Variants in BZW2 observed in about 807,000 individuals in gnomAD.
BZW2 encodes basic leucine zipper and W2 domains 2, also known as eIF5-mimic protein 1.
Under a neutral mutation model 53.2 loss-of-function variants are expected in BZW2, and 23 were observed. The observed-to-expected ratio is 0.43, with a 90% CI of 0.31 to 0.61. BZW2 has a LOEUF of 0.61. Among genes scored for constraint, BZW2 ranks in the 20% least tolerant of loss-of-function variants. The pLI is 0.09. For missense variants in BZW2, 409 were observed against 503.1 expected (o/e 0.81, Z 1.79); for synonymous variants, 227 against 186.4 (o/e 1.22, Z -1.77).
intron 1 of BZW2, among the ~76,000 whole-genome samples, chr7:16,658,568 T>G (rs973587392): frequency 6.6e-6 from 1 of 152,050 alleles, no homozygotes; most frequent in Admixed American, 6.6e-5. Context: ...CAAATGCTCT[T>G]TTTTCTAATA....
intron 2 of BZW2, among the ~76,000 whole-genome samples, chr7:16,668,352 AT>A (rs1275660193): frequency 3.3e-5 from 5 of 152,132 alleles, no homozygotes; most frequent in African/African-American, 7.2e-5. Context: ...GGTGGTCAAG[AT>A]TGTGCTGTTG....
At position 16,669,100 on chromosome 7, in the gene BZW2, CCT is replaced by C. The variant is rs1257411278; in HGVS notation, c.58+3600_58+3601del. ...GCATGACCATGTGCTCAGGTTTCTCCCTGAGACTTTAGCTCTGTAAATAATGT... is the reference window on the plus strand; with the variant it reads ...GCATGACCATGTGCTCAGGTTTCTCCGAGACTTTAGCTCTGTAAATAATGT... On this transcript the variant is annotated intron_variant, in intron 2 of 11. Transcript: ENST00000258761. Among the ~76,000 whole-genome samples the C allele has an allele frequency of 3.3e-5, 5 of 152,224 alleles. No homozygotes were observed. The East Asian group carries it at 9.6e-4, about 29-fold the overall frequency.
intron 2 of BZW2, among the ~76,000 whole-genome samples, chr7:16,666,994 GA>G (rs1395984518): frequency 6.6e-6 from 1 of 151,580 alleles, no homozygotes; most frequent in Non-Finnish European, 1.5e-5. Context: ...AAGAATAGCT[GA>G]ACTGGGGCCA....
In BZW2 at chr7:16,704,791, G is replaced by T. The variant is rs561048063; in HGVS notation, c.1231+122G>T. The T allele has an allele frequency of 6.6e-5, 70 of 1,060,742 alleles. No individual in the cohort carries two copies. The East Asian group carries it at 1.5e-3, about 23-fold the overall frequency. 65.7% of individuals were successfully genotyped at this position (1,060,742 alleles called of 1,614,324 possible). A position where few individuals can be genotyped will look rare whatever the true frequency, so the allele number is the denominator to read the frequency against. ...AACTAAAATTCTAGAGTTATCTTTC[G>T]TATCAAACATTTTGCCAACATCTTA... On this transcript the variant is annotated intron_variant, in intron 11 of 11. Coordinates refer to ENST00000258761, the MANE Select transcript of BZW2 (RefSeq NM_014038.3).
At chr7:16,693,494 A>G (rs1256516408) in intron 7 of BZW2, among the ~76,000 whole-genome samples, 1 of 152,226 alleles carries the variant, frequency 6.6e-6, no homozygotes, top group East Asian at 1.9e-4. Flanking sequence ...GAGTAATGGA[A>G]TAAGTATTGA....
chr7:16,648,900 A>G (rs1009449343), intron 1 of BZW2, among the ~76,000 whole-genome samples: 1 of 152,130 alleles, frequency 6.6e-6, no homozygotes, highest in Non-Finnish European at 1.5e-5. Flanking sequence ...TTTTGTGTTC[A>G]TCTCTCCCTC....
At chr7:16,665,324 C>T in intron 1 of BZW2, 113 bp from the exon 2 acceptor site, 3 of 1,231,618 alleles carry the variant, frequency 2.4e-6, no homozygotes, top group Non-Finnish European at 2.3e-6. Flanking sequence ...AAAAAAGAGG[C>T]ATATTCAGTA....
At chr7:16,693,706 T>C (rs1036312471) in intron 7 of BZW2, among the ~76,000 whole-genome samples, 1 of 152,224 alleles carries the variant, frequency 6.6e-6, no homozygotes, top group African/African-American at 2.4e-5. Flanking sequence ...ATTTGGAAGA[T>C]GTGGAGCAGT....
intron 1 of BZW2, among the ~76,000 whole-genome samples, chr7:16,649,072 C>T (rs751090423): frequency 6.6e-6 from 1 of 152,094 alleles, no homozygotes; most frequent in African/African-American, 2.4e-5. Context: ...TGGATTCTAG[C>T]GACCCCTCTT....
At chr7:16,656,592 CACACAA>C (rs1782131592) in intron 1 of BZW2, among the ~76,000 whole-genome samples, 2 of 150,696 alleles carry the variant, frequency 1.3e-5, no homozygotes, top group South Asian at 4.2e-4. Flanking sequence ...CACACACACA[CACACAA>C]GTAGGTTTAG....
At chr7:16,668,801 G>A (rs1782512072) in intron 2 of BZW2, among the ~76,000 whole-genome samples, 1 of 152,096 alleles carries the variant, frequency 6.6e-6, no homozygotes, top group Non-Finnish European at 1.5e-5. Flanking sequence ...CAAACGTCAT[G>A]GCAGGACACA....
intron 10 of BZW2, among the ~76,000 whole-genome samples, chr7:16,699,481 T>C (rs1295548188): frequency 6.6e-6 from 1 of 152,122 alleles, no homozygotes; most frequent in Non-Finnish European, 1.5e-5. Context: ...ATGGGACAGG[T>C]TTCACATTTG....
chr7:16,674,056 G>A (rs1037474956), intron 2 of BZW2, among the ~76,000 whole-genome samples: 3 of 152,054 alleles, frequency 2.0e-5, no homozygotes, highest in Admixed American at 6.6e-5. Context: ...CCACCACCAT[G>A]CCCAGCTAAT....
At position 16,678,087 on chromosome 7, in the gene BZW2, C is replaced by CTTT. The variant is rs71007780; in HGVS notation, c.236-3191_236-3189dup. On this transcript the variant is annotated intron_variant, in intron 3 of 11. Transcript: ENST00000258761. ...TCACAATTTACCTTCTTCCATTGTT[C>CTTT]TTTTTTTTTTTTTTTTTTTTTTTTT... 3.6e-3 allele frequency among the ~76,000 whole-genome samples: 244 copies of CTTT among 66,896 alleles called. 2 individuals are homozygous for CTTT. The highest frequency in any genetic ancestry group is 4.5e-3 in the East Asian group (8 of 1,790). The allele number at this position is 66,896 out of a possible 152,430, so 43.9% of individuals were successfully genotyped here.
Position 16,686,045 on chromosome 7 carries a change from C to G in BZW2, c.541+5C>G, listed in dbSNP as rs778452191. ...CCGACAGCTTAGTCAAAGAAGGTAA[C>G]GAGGCTCCTGTTTTCTCGCCTGTCA... On this transcript the variant is annotated splice_donor_5th_base_variant and intron_variant, in intron 6 of 11. Transcript: ENST00000258761. The G allele has an allele frequency of 1.9e-6, 3 of 1,611,824 alleles. No individual in the cohort carries two copies. In the Admixed American group the frequency reaches 5.0e-5, roughly 27 times the overall value.
chr7:16,693,350 A>G (rs767633332), intron 7 of BZW2, among the ~76,000 whole-genome samples: 1 of 152,210 alleles, frequency 6.6e-6, no homozygotes, highest in African/African-American at 2.4e-5. Context: ...ATTATATACT[A>G]TTCATAAGAA....
At chr7:16,705,781 A>G (rs1583762420) in intron 11 of BZW2, among the ~76,000 whole-genome samples, 1 of 149,534 alleles carries the variant, frequency 6.7e-6, no homozygotes, top group Non-Finnish European at 1.5e-5. Flanking sequence ...ATTTTTATAT[A>G]ATTTATATGT....
At chr7:16,686,445 A>G (rs1371954229) in intron 6 of BZW2, 1 of 168,644 alleles carries the variant, frequency 5.9e-6, no homozygotes. Context: ...ACTGATGCTC[A>G]GATATTCATT....
At chr7:16,650,693 A>G (rs1328821371) in intron 1 of BZW2, among the ~76,000 whole-genome samples, 1 of 152,226 alleles carries the variant, frequency 6.6e-6, no homozygotes, top group East Asian at 1.9e-4. Context: ...TATGAAATCC[A>G]CCAATCTTAG....
Sources: gnomAD v4.1 joint callset for allele counts (sites outside exome capture counted in the v4.1 genomes callset) on GRCh38, gnomAD v4.1.1 for gene constraint, MANE v1.5 for transcripts, NCBI Gene and HGNC (gene_info 2026-07-23, HGNC 2026-07-21) for gene names.